ZSCAN1: variants seen among roughly 807,000 people sequenced by gnomAD.
ZSCAN1 encodes the protein zinc finger and SCAN domain containing 1, also known as zinc finger and SCAN domain-containing protein 1.
A neutral mutation model predicts 23.8 loss-of-function variants in ZSCAN1; 23 were observed. The ratio of observed to expected loss-of-function variants is 0.97; its 90% CI spans 0.70 to 1.37. The LOEUF is 1.37. Ranked by LOEUF, ZSCAN1 falls within the 40% of genes most tolerant of loss-of-function variation. The pLI, the probability that ZSCAN1 is intolerant of heterozygous loss-of-function variation, is 0.00. For missense variants in ZSCAN1, 575 were observed against 554.0 expected (o/e 1.04, Z -0.38); for synonymous variants, 236 against 232.3 (o/e 1.02, Z -0.15).
chr19:58,046,153 G>A (rs186236371), intron 4 of ZSCAN1: 15 of 727,370 alleles, frequency 2.1e-5, no homozygotes, highest in Admixed American at 7.6e-5. Context: ...CACTGCCCCC[G>A]TGCTAGAGGG....
chr19:58,034,461 C>A (rs2123413303), intron 1 of ZSCAN1, among the ~76,000 whole-genome samples: 1 of 152,070 alleles, frequency 6.6e-6, no homozygotes, highest in East Asian at 2.0e-4. Flanking sequence ...TGTTGGCATC[C>A]GCCTGTCCGT....
chr19:58,053,493 G>A lies in ZSCAN1; in HGVS notation c.669G>A (p.Gly223=), dbSNP rs2073871831. The A allele has an allele frequency of 1.2e-6, 2 of 1,613,966 alleles. No individual in the cohort carries two copies. Among genetic ancestry groups the A allele is most frequent in the African/African-American group, 2.7e-5 (2 of 74,898 alleles). ...ACGAGCCTGAGGACCTTCTCGCAGG[G>A]CCCTCCTCAGACCTGCGGGCAGAAG... ...IWDEPEDLLA[G]PSSDLRAEGT... is the part of the protein sequence containing the mutation. Residue 223 remains glycine, a synonymous_variant, in exon 6 of 6, where the codon GGG becomes GGA. Coordinates refer to ENST00000282326, the MANE Select transcript of ZSCAN1 (RefSeq NM_182572.4). This position sits in a 1 kb window ranked among gnomAD's most constrained non-coding sequence, Gnocchi z 5.8.
At chr19:58,037,073 C>T (rs1294382242) in intron 2 of ZSCAN1, among the ~76,000 whole-genome samples, 2 of 152,198 alleles carry the variant, frequency 1.3e-5, no homozygotes, top group African/African-American at 4.8e-5. Flanking sequence ...TCTCCACCCC[C>T]AGCTTGGACC....
Position 58,040,897 on chromosome 19 carries a change from G to A in ZSCAN1, c.465+353G>A, listed in dbSNP as rs900974720. Among the ~76,000 whole-genome samples, 2 of 152,174 alleles carry A rather than the reference G, an allele frequency of 1.3e-5. No individual in the cohort carries two copies. The highest frequency in any genetic ancestry group is 1.3e-4 in the Admixed American group (2 of 15,280). On this transcript the variant is annotated intron_variant, in intron 4 of 5. Transcript: ENST00000282326. This position sits in a 1 kb window ranked among gnomAD's most constrained non-coding sequence, Gnocchi z 5.8. ...GCTGCCCCGATCATCTTCCCTCAGT[G>A]AACCCAGGATTCTGGGCGGGCCCAG...
intron 1 of ZSCAN1, among the ~76,000 whole-genome samples, chr19:58,034,553 G>C (rs927381884): frequency 6.6e-6 from 1 of 151,714 alleles, no homozygotes; most frequent in South Asian, 2.1e-4. Flanking sequence ...TTCCACACCT[G>C]ATCAGCATCC....
chr19:58,040,388 C>G lies in ZSCAN1; in HGVS notation c.371-62C>G. On this transcript the variant is annotated intron_variant, in intron 3 of 5. Coordinates refer to ENST00000282326, the MANE Select transcript of ZSCAN1 (RefSeq NM_182572.4). This position sits in a 1 kb window ranked among gnomAD's most constrained non-coding sequence, Gnocchi z 5.8. ...GGGAAAGTCTGCCCTCCCCAGAAGG[C>G]CTGGAGAATTGGGGGCTCTGGGAAG... 6.4e-7 allele frequency: 1 copy of G among 1,565,668 alleles called. No individual in the cohort carries two copies. Among genetic ancestry groups the G allele is most frequent in the Non-Finnish European group, 8.8e-7 (1 of 1,138,136 alleles).
intron 5 of ZSCAN1, 87 bp downstream of exon 5, chr19:58,052,715 T>C (rs1486159644): frequency 3.3e-6 from 5 of 1,498,816 alleles, no homozygotes; most frequent in Non-Finnish European, 4.4e-6. Flanking sequence ...ATGGGTTGAG[T>C]TGGGTGCTTC....
Position 58,054,107 on chromosome 19 carries a change from G to GGCCCCAGAAGATGGGGGACAT in ZSCAN1, c.*57_*77dup. On this transcript the variant is annotated 3_prime_UTR_variant, in exon 6 of 6. Transcript: ENST00000282326. The surrounding 1 kb of genome is among the most constrained non-coding windows in gnomAD (Gnocchi z 4.2). Reference sequence around the variant, plus strand: ...CCTGAGTCCCTGGGGGGAGCTGATGGGCCCCAGAAGATGGGGGACATCCCC... The same window carrying GGCCCCAGAAGATGGGGGACAT: ...CCTGAGTCCCTGGGGGGAGCTGATGGGCCCCAGAAGATGGGGGACATGCCCCAGAAGATGGGGGACATCCCC... 7.0e-7 allele frequency: 1 copy of GGCCCCAGAAGATGGGGGACAT among 1,435,750 alleles called. No homozygotes were observed. The highest frequency in any genetic ancestry group is 9.1e-7 in the Non-Finnish European group (1 of 1,096,904). 88.9% of individuals were successfully genotyped at this position (1,435,750 alleles called of 1,614,324 possible).
In ZSCAN1 at chr19:58,053,037, G is replaced by C. The variant is rs1046302457; in HGVS notation, c.605-392G>C. ...TGCAGTGGTGTGATCTTGGCTCATT[G>C]CAACCTCCGCCTCCTGGGTTCAAGC... On this transcript the variant is annotated intron_variant, in intron 5 of 5. Coordinates refer to ENST00000282326, the MANE Select transcript of ZSCAN1 (RefSeq NM_182572.4). This position sits in a 1 kb window ranked among gnomAD's most constrained non-coding sequence, Gnocchi z 5.8. 4.0e-5 allele frequency among the ~76,000 whole-genome samples: 6 copies of C among 149,836 alleles called. No homozygotes were observed. The highest frequency in any genetic ancestry group is 7.4e-5 in the Non-Finnish European group (5 of 67,776).
intron 4 of ZSCAN1, 69 bp from the exon 5 acceptor site, chr19:58,052,421 G>A: frequency 6.2e-7 from 1 of 1,609,464 alleles, no homozygotes; most frequent in Non-Finnish European, 8.5e-7. Context: ...TTCCTTGGTT[G>A]TTCGGTGGTG....
intron 4 of ZSCAN1, among the ~76,000 whole-genome samples, chr19:58,043,713 G>A (rs1308275062): frequency 2.6e-5 from 4 of 151,930 alleles, no homozygotes; most frequent in East Asian, 3.9e-4. Context: ...GCAGTGGCAC[G>A]ATCATGGCTC....
chr19:58,045,149 C>G lies in ZSCAN1; in HGVS notation c.465+4605C>G. Reference sequence around the variant, plus strand: ...GCATGCTCTGGCGCATCCTCAACTGCCACACCCTGACCCGCCAGGCGCGCA... The same window carrying G: ...GCATGCTCTGGCGCATCCTCAACTGGCACACCCTGACCCGCCAGGCGCGCA... On this transcript the variant is annotated intron_variant, in intron 4 of 5. Transcript: ENST00000282326. This position sits in a 1 kb window ranked among gnomAD's most constrained non-coding sequence, Gnocchi z 4.3. The G allele has an allele frequency of 2.5e-6, 3 of 1,182,682 alleles. No individual in the cohort carries two copies. Among genetic ancestry groups the G allele is most frequent in the Non-Finnish European group, 3.8e-6 (3 of 790,658 alleles). The allele number at this position is 1,182,682 out of a possible 1,614,324, so 73.3% of individuals were successfully genotyped here. A position where few individuals can be genotyped will look rare whatever the true frequency, so the allele number is the denominator to read the frequency against.
chr19:58,045,069 A>C lies in ZSCAN1; in HGVS notation c.465+4525A>C. On this transcript the variant is annotated intron_variant, in intron 4 of 5. Coordinates refer to ENST00000282326, the MANE Select transcript of ZSCAN1 (RefSeq NM_182572.4). This position sits in a 1 kb window ranked among gnomAD's most constrained non-coding sequence, Gnocchi z 4.3. Reference sequence around the variant, plus strand: ...GGCAGAGAGGGTGCTGGGCGAGCTGAGGCACTACTACCATGGCTTCCGCCT... The same window carrying C: ...GGCAGAGAGGGTGCTGGGCGAGCTGCGGCACTACTACCATGGCTTCCGCCT... 1 of 1,142,220 alleles carries C rather than the reference A, an allele frequency of 8.8e-7. No homozygotes were observed. The highest frequency in any genetic ancestry group is 1.3e-6 in the Non-Finnish European group (1 of 753,440). 70.8% of individuals were successfully genotyped at this position (1,142,220 alleles called of 1,614,324 possible).
rs2073825890 is a variant in ZSCAN1 at position 58,046,336 on chromosome 19, A to G, written c.465+5792A>G. On this transcript the variant is annotated intron_variant, in intron 4 of 5. Coordinates refer to ENST00000282326, the MANE Select transcript of ZSCAN1 (RefSeq NM_182572.4). ...GCAGGAGCTCAAGAAGGAACTTTCA[A>G]AGACTGGTGAAGAAAAATACATGGA... is the stretch of plus-strand genomic sequence containing the variant. The G allele has an allele frequency of 4.4e-6, 4 of 910,416 alleles. No homozygotes were observed. The Admixed American group carries it at 6.8e-5, about 15-fold the overall frequency. The allele number at this position is 910,416 out of a possible 1,614,324, so 56.4% of individuals were successfully genotyped here.
In ZSCAN1 at chr19:58,053,286, C is replaced by T. The variant is rs141050433; in HGVS notation, c.605-143C>T. On this transcript the variant is annotated intron_variant, in intron 5 of 5. Transcript: ENST00000282326. The surrounding 1 kb of genome is among the most constrained non-coding windows in gnomAD (Gnocchi z 5.8). Reference sequence around the variant, plus strand: ...TGCCCTTGTATCTTAAAGGACAGAACGGAGGACACAGGGGCCGTATTGAGC... The same window carrying T: ...TGCCCTTGTATCTTAAAGGACAGAATGGAGGACACAGGGGCCGTATTGAGC... The T allele has an allele frequency of 1.3e-3, 1,390 of 1,050,208 alleles. 6 individuals are homozygous for T. Among genetic ancestry groups the T allele is most frequent in the African/African-American group, 0.012 (782 of 62,736 alleles). The allele number at this position is 1,050,208 out of a possible 1,614,324, so 65.1% of individuals were successfully genotyped here.
Position 58,047,047 on chromosome 19 carries a change from C to T in ZSCAN1, c.466-5443C>T, listed in dbSNP as rs1367177736. On this transcript the variant is annotated intron_variant, in intron 4 of 5. Transcript: ENST00000282326. This position sits in a 1 kb window ranked among gnomAD's most constrained non-coding sequence, Gnocchi z 4.9. ...GCGGCTGGGCCAAGGCAGGAAGGTG[C>T]CCCCCTGTGTGTGGCCTCACGTCTC... is the stretch of plus-strand genomic sequence containing the variant. Among the ~76,000 whole-genome samples, 2 of 152,134 alleles carry T rather than the reference C, an allele frequency of 1.3e-5. No individual in the cohort carries two copies. Among genetic ancestry groups the T allele is most frequent in the African/African-American group, 4.8e-5 (2 of 41,392 alleles).
intron 4 of ZSCAN1, chr19:58,046,148 C>T: frequency 1.4e-6 from 1 of 718,438 alleles, no homozygotes; most frequent in Non-Finnish European, 2.6e-6. Flanking sequence ...AAGGACACTG[C>T]CCCCGTGCTA....
At position 58,049,701 on chromosome 19, in the gene ZSCAN1, C is replaced by T. The variant is rs2073846799; in HGVS notation, c.466-2789C>T. Among the ~76,000 whole-genome samples the T allele has an allele frequency of 1.3e-5, 2 of 152,222 alleles. No homozygotes were observed. The highest frequency in any genetic ancestry group is 1.3e-4 in the Admixed American group (2 of 15,286). ...GGTCCCTGAGATCCCATGGGCGTATCTCCCTGAGGCCCTGGCGGGAATGAC... is the reference window on the plus strand; with the variant it reads ...GGTCCCTGAGATCCCATGGGCGTATTTCCCTGAGGCCCTGGCGGGAATGAC... On this transcript the variant is annotated intron_variant, in intron 4 of 5. Coordinates refer to ENST00000282326, the MANE Select transcript of ZSCAN1 (RefSeq NM_182572.4). This position sits in a 1 kb window ranked among gnomAD's most constrained non-coding sequence, Gnocchi z 4.5.
At chr19:58,035,698 A>G (rs2073729843) in intron 1 of ZSCAN1, among the ~76,000 whole-genome samples, 3 of 152,218 alleles carry the variant, frequency 2.0e-5, no homozygotes, top group Admixed American at 2.0e-4. Context: ...TTTCCCAATC[A>G]GGGTGCAGGT....
Sources: allele counts gnomAD v4.1 joint callset (sites outside exome capture counted in the v4.1 genomes callset), GRCh38; gene constraint gnomAD v4.1.1; non-coding constraint Gnocchi (gnomAD v3.1); transcripts MANE v1.5; gene names NCBI Gene and HGNC (gene_info 2026-07-23, HGNC 2026-07-21).